ZNF385D: variants seen among roughly 807,000 people sequenced by gnomAD.
The protein encoded by ZNF385D is zinc finger protein 385D.
A neutral mutation model predicts 35.8 loss-of-function variants in ZNF385D; 15 were observed. The observed-to-expected ratio is 0.42, with a 90% CI of 0.28 to 0.64. The LOEUF (loss-of-function observed/expected upper bound fraction) is 0.64, where lower values mean the gene tolerates loss of function less well. Among genes scored for constraint, ZNF385D ranks in the 30% least tolerant of loss-of-function variants. The pLI, the probability that ZNF385D is intolerant of heterozygous loss-of-function variation, is 0.23. For synonymous variants in ZNF385D, 212 were observed against 186.8 expected, an observed-to-expected ratio of 1.13 and a Z score of -1.10; for missense variants, 474 against 494.6, an observed-to-expected ratio of 0.96 and a Z score of 0.39.
intron 2 of ZNF385D, among the ~76,000 whole-genome samples, chr3:21,621,073 C>T (rs1415543202): frequency 6.6e-6 from 1 of 152,066 alleles, no homozygotes; most frequent in Non-Finnish European, 1.5e-5. Flanking sequence ...GCAGTCTTTA[C>T]ATTGTAAAAA....
intron 3 of ZNF385D, among the ~76,000 whole-genome samples, chr3:21,814,025 A>G (rs146142629): frequency 0.084 from 12,790 of 152,252 alleles, 822 homozygotes; most frequent in East Asian, 0.31. Context: ...CATACAAGCC[A>G]GAAGAGAGTG....
chr3:22,160,502 A>G lies in ZNF385D; in HGVS notation c.325+8315T>C, dbSNP rs139110883. 5.9e-3 allele frequency among the ~76,000 whole-genome samples: 900 copies of G among 152,260 alleles called. 8 individuals carry two copies. The highest frequency in any genetic ancestry group is 0.021 in the African/African-American group (859 of 41,584). On this transcript the variant is annotated intron_variant, in intron 3 of 5. Coordinates refer to the ZNF385D transcript ENST00000494108. ...TCATTAACTATCAATGTTGCAGGAG[A>G]AGAAAATCTTGTAAATTGAAAATCT...
At chr3:22,178,474 G>C (rs551037221) in intron 2 of ZNF385D, among the ~76,000 whole-genome samples, 6 of 152,132 alleles carry the variant, frequency 3.9e-5, no homozygotes, top group Non-Finnish European at 7.4e-5. Context: ...GTAGATTCTG[G>C]ATATTAGCCC....
chr3:22,069,957 A>C (rs373863442), intron 3 of ZNF385D, among the ~76,000 whole-genome samples: 32 of 152,306 alleles, frequency 2.1e-4, no homozygotes, highest in African/African-American at 6.5e-4. Context: ...CTTCAGAAAG[A>C]AAGCAAGCTA....
chr3:22,021,215 T>C (rs1697206590), intron 3 of ZNF385D, among the ~76,000 whole-genome samples: 2 of 151,464 alleles, frequency 1.3e-5, no homozygotes, highest in Non-Finnish European at 2.9e-5. Flanking sequence ...AATCGATACA[T>C]GAAACAAAAT....
chr3:22,356,952 T>C (rs1276252595), intron 2 of ZNF385D, among the ~76,000 whole-genome samples: 1 of 151,906 alleles, frequency 6.6e-6, no homozygotes, highest in Non-Finnish European at 1.5e-5. Context: ...ATCCAAAAAA[T>C]ACCCTATCTT....
At chr3:21,953,823 G>A (rs901974995) in intron 3 of ZNF385D, among the ~76,000 whole-genome samples, 2 of 151,960 alleles carry the variant, frequency 1.3e-5, no homozygotes, top group Non-Finnish European at 2.9e-5. Flanking sequence ...AGAAAAATTA[G>A]AGTAAGTGAT....
At chr3:21,935,747 A>AACAC (rs10643046) in intron 3 of ZNF385D, among the ~76,000 whole-genome samples, 139,048 of 151,822 alleles carry the variant, frequency 0.92, 63,770 homozygotes, top group East Asian at 0.98. Flanking sequence ...GAGTAGATAC[A>AACAC]ACACTGGACT....
chr3:21,600,688 C>G (rs2020429), intron 2 of ZNF385D, among the ~76,000 whole-genome samples: 59,713 of 151,494 alleles, frequency 0.39, 12,901 homozygotes, highest in African/African-American at 0.58. Context: ...AAAAAACACA[C>G]AGAGAGAGAG....
intron 3 of ZNF385D, among the ~76,000 whole-genome samples, chr3:21,949,595 T>G (rs530655447): frequency 6.7e-6 from 1 of 148,416 alleles, no homozygotes; most frequent in Non-Finnish European, 1.5e-5. Context: ...CTGGGATACA[T>G]GCACAGAACG....
At chr3:21,995,493 A>G (rs1695406582) in intron 3 of ZNF385D, among the ~76,000 whole-genome samples, 1 of 152,078 alleles carries the variant, frequency 6.6e-6, no homozygotes, top group Non-Finnish European at 1.5e-5. Context: ...CCCTGAAGGT[A>G]TGCACAGGTG....
At chr3:21,520,163 G>A (rs767479686) in intron 3 of ZNF385D, among the ~76,000 whole-genome samples, 1 of 152,124 alleles carries the variant, frequency 6.6e-6, no homozygotes, top group Admixed American at 6.5e-5. Flanking sequence ...CCTCTGCCTG[G>A]AGCACCTGTA....
At chr3:22,234,775 T>C (rs1388597884) in intron 2 of ZNF385D, among the ~76,000 whole-genome samples, 1 of 152,070 alleles carries the variant, frequency 6.6e-6, no homozygotes, top group East Asian at 1.9e-4. Context: ...ATGGAAATAC[T>C]ATGAAATATA....
At chr3:21,811,311 C>A (rs1030038721) in intron 3 of ZNF385D, among the ~76,000 whole-genome samples, 1 of 152,012 alleles carries the variant, frequency 6.6e-6, no homozygotes, top group Non-Finnish European at 1.5e-5. Context: ...GAAACCAGAA[C>A]TTTTTGGGAA....
chr3:22,154,741 G>A (rs1488319381), intron 3 of ZNF385D, among the ~76,000 whole-genome samples: 1 of 152,086 alleles, frequency 6.6e-6, no homozygotes, highest in Non-Finnish European at 1.5e-5. Flanking sequence ...AATCACATGT[G>A]ATAAACAAGT....
rs189266125 is a variant in ZNF385D, at chr3:22,332,269, G to A, written c.106+40181C>T. ...AATTCCATTGCAGAACTAGAACTAC[G>A]GTAGCAGGTTTATTTGTAAATCTAG... On this transcript the variant is annotated intron_variant, in intron 2 of 5. Transcript: ENST00000494108. Among the ~76,000 whole-genome samples, 11 of 152,134 alleles carry A rather than the reference G, an allele frequency of 7.2e-5. No homozygotes were observed. In the East Asian group the frequency reaches 1.2e-3, roughly 16 times the overall value.
chr3:22,258,732 TTAAA>T (rs539201486), intron 2 of ZNF385D, among the ~76,000 whole-genome samples: 3 of 151,886 alleles, frequency 2.0e-5, no homozygotes, highest in Admixed American at 2.0e-4. Context: ...ACTCAAATTG[TTAAA>T]TATTTATTTA....
intron 2 of ZNF385D, among the ~76,000 whole-genome samples, chr3:22,365,980 G>A (rs1257290734): frequency 2.0e-5 from 3 of 151,926 alleles, no homozygotes; most frequent in Non-Finnish European, 4.4e-5. Context: ...TGGGGATTCA[G>A]GATTTTTATT....
At chr3:21,666,253 C>A (rs1164675591) in intron 1 of ZNF385D, among the ~76,000 whole-genome samples, 2 of 152,118 alleles carry the variant, frequency 1.3e-5, no homozygotes, top group Non-Finnish European at 2.9e-5. Flanking sequence ...TAAATCCAAC[C>A]CTATGGAGCC....
Sources: gnomAD v4.1 joint callset for allele counts (sites outside exome capture counted in the v4.1 genomes callset) on GRCh38, gnomAD v4.1.1 for gene constraint, MANE v1.5 for transcripts, NCBI Gene and HGNC (gene_info 2026-07-23, HGNC 2026-07-21) for gene names.